ELMO1: variants seen among roughly 807,000 people sequenced by gnomAD.
The protein encoded by ELMO1 is engulfment and cell motility protein 1.
ELMO1 carries 26 observed loss-of-function variants against 98.9 expected under a neutral mutation model. That is an observed-to-expected ratio of 0.26 (90% CI 0.19 to 0.36). The LOEUF (loss-of-function observed/expected upper bound fraction) is 0.36, where lower values mean the gene tolerates loss of function less well. Ranked by LOEUF, ELMO1 falls within the 10% of genes least tolerant of loss-of-function variation. ELMO1 has a pLI of 1.00. For synonymous variants in ELMO1, 346 were observed against 346.0 expected (o/e 1.00, Z 0.00); for missense variants, 627 against 935.2 (o/e 0.67, Z 4.30).
intron 2 of ELMO1, among the ~76,000 whole-genome samples, chr7:37,336,306 T>G (rs1439403376): frequency 6.6e-6 from 1 of 152,158 alleles, no homozygotes; most frequent in Non-Finnish European, 1.5e-5. Flanking sequence ...CCTGTGAGAC[T>G]CCTTTCTTCA....
intron 4 of ELMO1, among the ~76,000 whole-genome samples, chr7:37,289,211 T>C (rs1797551122): frequency 6.6e-6 from 1 of 152,222 alleles, no homozygotes; most frequent in African/African-American, 2.4e-5. Flanking sequence ...AAAATATCTA[T>C]AAACTAAAGC....
intron 1 of ELMO1, among the ~76,000 whole-genome samples, chr7:37,354,571 C>T (rs1309517590): frequency 2.0e-5 from 3 of 152,250 alleles, no homozygotes; most frequent in Non-Finnish European, 4.4e-5. Context: ...AGCATTTCAA[C>T]TGGAAAGTTC....
At chr7:37,266,169 T>C (rs1225783486) in intron 5 of ELMO1, among the ~76,000 whole-genome samples, 1 of 151,888 alleles carries the variant, frequency 6.6e-6, no homozygotes, top group Non-Finnish European at 1.5e-5. Context: ...CCGCTGAGAG[T>C]GATGCCAATA....
chr7:36,937,141 A>G (rs1238883684), intron 16 of ELMO1, among the ~76,000 whole-genome samples: 1 of 152,232 alleles, frequency 6.6e-6, no homozygotes, highest in Non-Finnish European at 1.5e-5. Flanking sequence ...CCCAAAAGAT[A>G]TGCTGAAGTC....
chr7:36,884,710 A>G (rs73689672), intron 18 of ELMO1, among the ~76,000 whole-genome samples: 2,578 of 152,284 alleles, frequency 0.017, 26 homozygotes, highest in Middle Eastern at 0.02. Flanking sequence ...GCAAGTATCA[A>G]CTCGGGGACC....
rs867262486 is a variant in ELMO1, at chr7:37,224,992, C to T, written c.588G>A (p.Ser196=). The part of the protein sequence containing the change: ...SFVNKSAIDI[S]ILQRSLAILE... ...AAATGGCCAAGGACCGCTGCAGGAT[C>T]GAGATGTCTATGGCTGACTTGTTCA... is the stretch of plus-strand genomic sequence containing the variant. Residue 196 remains serine (S), a synonymous_variant, in exon 9 of 22, where the codon TCG becomes TCA. Transcript: ENST00000310758. The T allele has an allele frequency of 2.5e-6, 4 of 1,613,954 alleles. No individual in the cohort carries two copies. Among genetic ancestry groups the T allele is most frequent in the African/African-American group, 2.7e-5 (2 of 74,888 alleles).
At chr7:37,157,689 T>C (rs1025558344) in intron 13 of ELMO1, among the ~76,000 whole-genome samples, 6 of 152,292 alleles carry the variant, frequency 3.9e-5, no homozygotes, top group African/African-American at 1.4e-4. Flanking sequence ...TCCATGCTCA[T>C]GGATAGGAAG....
chr7:37,285,810 C>T (rs1797365816), intron 4 of ELMO1, among the ~76,000 whole-genome samples: 1 of 152,074 alleles, frequency 6.6e-6, no homozygotes, highest in Non-Finnish European at 1.5e-5. Flanking sequence ...ACGAGTTGAG[C>T]GAACCACGTT....
chr7:37,273,992 C>T (rs1461719968), intron 4 of ELMO1, among the ~76,000 whole-genome samples: 1 of 152,196 alleles, frequency 6.6e-6, no homozygotes. Flanking sequence ...CAAGTGCAGG[C>T]AGGCCCGAAA....
chr7:36,994,000 A>G (rs780121494), intron 16 of ELMO1, among the ~76,000 whole-genome samples: 24 of 152,222 alleles, frequency 1.6e-4, no homozygotes, highest in Non-Finnish European at 2.9e-4. Flanking sequence ...ATACACTGAG[A>G]AAACATATTT....
At chr7:37,004,649 T>C (rs933041599) in intron 16 of ELMO1, among the ~76,000 whole-genome samples, 3 of 152,214 alleles carry the variant, frequency 2.0e-5, no homozygotes. Flanking sequence ...GTATATTTAC[T>C]ACTGTCAGGC....
At chr7:37,038,105 T>G (rs2129191943) in intron 15 of ELMO1, among the ~76,000 whole-genome samples, 1 of 152,268 alleles carries the variant, frequency 6.6e-6, no homozygotes, top group Admixed American at 6.5e-5. Context: ...CAGGAAACCA[T>G]GTACAGATCC....
intron 1 of ELMO1, among the ~76,000 whole-genome samples, chr7:37,347,513 T>A (rs945920898): frequency 2.8e-5 from 1 of 35,306 alleles, no homozygotes. Flanking sequence ...ACTATTCTTA[T>A]GGTATTCTTA....
intron 15 of ELMO1, among the ~76,000 whole-genome samples, chr7:37,071,569 G>T (rs1282298318): frequency 2.6e-5 from 4 of 152,060 alleles, no homozygotes; most frequent in African/African-American, 9.7e-5. Context: ...CTCAATGGTG[G>T]TGTACACATA....
At chr7:37,389,472 A>G (rs1254841355) in intron 1 of ELMO1, among the ~76,000 whole-genome samples, 1 of 152,238 alleles carries the variant, frequency 6.6e-6, no homozygotes, top group Non-Finnish European at 1.5e-5. Context: ...GTTGATGCAC[A>G]TGTAGACCAG....
chr7:37,400,242 T>G (rs1803468971), intron 1 of ELMO1, among the ~76,000 whole-genome samples: 1 of 152,134 alleles, frequency 6.6e-6, no homozygotes, highest in Non-Finnish European at 1.5e-5. Flanking sequence ...GCTCATTTAT[T>G]TAAATACTGC....
chr7:36,971,095 T>C (rs1208849874), intron 16 of ELMO1, among the ~76,000 whole-genome samples: 1 of 152,234 alleles, frequency 6.6e-6, no homozygotes, highest in Non-Finnish European at 1.5e-5. Context: ...TATGAATCAT[T>C]ACAACTTGAA....
intron 16 of ELMO1, among the ~76,000 whole-genome samples, chr7:36,975,613 G>A (rs976480406): frequency 2.0e-5 from 3 of 152,094 alleles, no homozygotes; most frequent in Non-Finnish European, 2.9e-5. Flanking sequence ...TTGGGAGGCC[G>A]AGGCGGGTGG....
At chr7:37,183,215 G>A (rs1790993343) in intron 13 of ELMO1, among the ~76,000 whole-genome samples, 1 of 152,220 alleles carries the variant, frequency 6.6e-6, no homozygotes, top group Non-Finnish European at 1.5e-5. Context: ...GAGGAAGGAG[G>A]AGGAAGAACA....
Sources: allele counts gnomAD v4.1 joint callset (sites outside exome capture counted in the v4.1 genomes callset), GRCh38; gene constraint gnomAD v4.1.1; transcripts MANE v1.5; gene names NCBI Gene and HGNC (gene_info 2026-07-23, HGNC 2026-07-21).